Variants in SCHIP1 observed in about 807,000 individuals in gnomAD.
SCHIP1 encodes schwannomin interacting protein 1.
Under a neutral mutation model 29.7 loss-of-function variants are expected in SCHIP1, and 8 were observed. The observed-to-expected ratio is 0.27, with a 90% CI of 0.16 to 0.49. The LOEUF (loss-of-function observed/expected upper bound fraction) is 0.49, where lower values mean the gene tolerates loss of function less well. SCHIP1 is among the 20% of genes least tolerant of loss of function. The pLI, the probability that SCHIP1 is intolerant of heterozygous loss-of-function variation, is 0.99. For missense variants in SCHIP1, 193 were observed against 294.6 expected, an observed-to-expected ratio of 0.66 and a Z score of 2.52; for synonymous variants, 76 against 94.9, an observed-to-expected ratio of 0.80 and a Z score of 1.16.
chr3:159,624,852 T>C, the SCHIP1 span, among the ~76,000 whole-genome samples: 3 of 152,164 alleles, frequency 2.0e-5, no homozygotes, highest in Non-Finnish European at 2.9e-5. Context: ...ATTTTTGGCT[T>C]TGGCAATCTC....
the SCHIP1 span, among the ~76,000 whole-genome samples, chr3:159,423,065 C>A: frequency 6.6e-6 from 1 of 152,042 alleles, no homozygotes; most frequent in Non-Finnish European, 1.5e-5. Context: ...TATGTCATGG[C>A]AGGGGGAGGA....
intron 3 of SCHIP1, 182 bp from the exon 5 acceptor site, chr3:159,887,526 T>A: frequency 1.5e-6 from 1 of 658,630 alleles, no homozygotes; most frequent in Non-Finnish European, 2.7e-6. Context: ...TATGCTAAAA[T>A]CTATTTTAAA....
chr3:159,476,502 AC>A, the SCHIP1 span, among the ~76,000 whole-genome samples: 4 of 152,142 alleles, frequency 2.6e-5, no homozygotes, highest in Non-Finnish European at 5.9e-5. Flanking sequence ...GGTATACCAA[AC>A]TTTTATAAGA....
chr3:159,624,923 A>T, the SCHIP1 span, among the ~76,000 whole-genome samples: 12 of 152,302 alleles, frequency 7.9e-5, no homozygotes, highest in African/African-American at 2.4e-4. Context: ...TACCCTCTAA[A>T]ACCCTCACAC....
chr3:159,648,929 AT>A, the SCHIP1 span, among the ~76,000 whole-genome samples: 1 of 152,054 alleles, frequency 6.6e-6, no homozygotes, highest in Non-Finnish European at 1.5e-5. Context: ...GCTATGGTTA[AT>A]TTGTATTTCT....
At chr3:159,578,189 G>T in the SCHIP1 span, among the ~76,000 whole-genome samples, 5 of 152,066 alleles carry the variant, frequency 3.3e-5, no homozygotes, top group African/African-American at 9.7e-5. Context: ...GGTTATACTA[G>T]AATAATCTGC....
intron 2 of SCHIP1, among the ~76,000 whole-genome samples, chr3:159,883,513 C>T (rs1365341215): frequency 6.6e-6 from 1 of 152,116 alleles, no homozygotes; most frequent in African/African-American, 2.4e-5. Context: ...CCCACTCATC[C>T]ATTCAGGCTG....
chr3:159,332,487 A>G, the SCHIP1 span, among the ~76,000 whole-genome samples: 1 of 152,186 alleles, frequency 6.6e-6, no homozygotes, highest in African/African-American at 2.4e-5. Flanking sequence ...TTCACTGTTT[A>G]TGAAATTAAA....
chr3:159,350,135 C>G, the SCHIP1 span, among the ~76,000 whole-genome samples: 1 of 152,058 alleles, frequency 6.6e-6, no homozygotes, highest in African/African-American at 2.4e-5. Context: ...GTGCTTAGCT[C>G]CTGCATTTTT....
In SCHIP1 at chr3:159,847,073, T is replaced by C. The variant is rs181292486; in HGVS notation, c.30+6859T>C. On this transcript the variant is annotated intron_variant, in intron 1 of 6. Coordinates refer to ENST00000445224, the Ensembl canonical transcript of SCHIP1. The stretch of plus-strand genomic sequence containing the variant: ...GGGCCTCAAACTTCATGATTCAGAC[T>C]TCGAGTGATTTTAAGAAGTACATAT... Among the ~76,000 whole-genome samples the C allele has an allele frequency of 4.1e-3, 632 of 152,330 alleles. 7 individuals are homozygous for C. Among genetic ancestry groups the C allele is most frequent in the African/African-American group, 0.015 (613 of 41,584 alleles).
the SCHIP1 span, among the ~76,000 whole-genome samples, chr3:159,713,222 GAGAAAGAAAGGAAGAA>G: frequency 4.5e-4 from 45 of 100,960 alleles, 1 homozygote; most frequent in African/African-American, 1.6e-3. Flanking sequence ...GAGAGAGAGA[GAGAAAGAAAGGAAGAA>G]AGAAAGAAAG....
At chr3:159,397,751 A>G in the SCHIP1 span, among the ~76,000 whole-genome samples, 1 of 152,182 alleles carries the variant, frequency 6.6e-6, no homozygotes, top group African/African-American at 2.4e-5. Flanking sequence ...ATTTAAGTCT[A>G]CAGAGGTTAC....
chr3:159,693,902 A>C, the SCHIP1 span, among the ~76,000 whole-genome samples: 1 of 152,238 alleles, frequency 6.6e-6, no homozygotes, highest in East Asian at 1.9e-4. Flanking sequence ...AGCTGAGTGT[A>C]CGTGTGTCGT....
chr3:159,419,795 G>A, the SCHIP1 span, among the ~76,000 whole-genome samples: 2 of 152,144 alleles, frequency 1.3e-5, no homozygotes, highest in South Asian at 2.1e-4. Context: ...GGCAGCAAAC[G>A]CTAAACTCCA....
chr3:159,704,809 T>TTTTC, the SCHIP1 span, among the ~76,000 whole-genome samples: 811 of 152,156 alleles, frequency 5.3e-3, 10 homozygotes, highest in African/African-American at 0.018. Context: ...TAATACAATA[T>TTTTC]TTTCTTTCTT....
At chr3:159,405,101 G>A in the SCHIP1 span, among the ~76,000 whole-genome samples, 3 of 152,188 alleles carry the variant, frequency 2.0e-5, no homozygotes. Context: ...TTAATGCAGA[G>A]ATGGCTGCAG....
chr3:159,685,815 C>G, the SCHIP1 span, among the ~76,000 whole-genome samples: 2 of 152,280 alleles, frequency 1.3e-5, no homozygotes, highest in Middle Eastern at 3.4e-3. Flanking sequence ...CAGACCAATT[C>G]TCTCACTGAA....
chr3:159,502,215 C>T, the SCHIP1 span, among the ~76,000 whole-genome samples: 18 of 152,286 alleles, frequency 1.2e-4, no homozygotes, highest in African/African-American at 4.3e-4. Flanking sequence ...CCTCGTCATA[C>T]TGATTACTTC....
chr3:159,573,095 C>A, the SCHIP1 span, among the ~76,000 whole-genome samples: 1 of 152,254 alleles, frequency 6.6e-6, no homozygotes, highest in African/African-American at 2.4e-5. Flanking sequence ...TTAATTGGGG[C>A]ATTTAGCCCA....
Sources: allele counts gnomAD v4.1 joint callset (sites outside exome capture counted in the v4.1 genomes callset), GRCh38; gene constraint gnomAD v4.1.1; transcripts MANE v1.5; gene names NCBI Gene and HGNC (gene_info 2026-07-23, HGNC 2026-07-21).